Variants in SRP72 observed in about 807,000 individuals in gnomAD.
The protein encoded by SRP72 is signal recognition particle 72, also known as signal recognition particle subunit SRP72.
In SRP72, 49 loss-of-function variants were observed where a neutral mutation model predicts 96.3. The observed-to-expected ratio is 0.51, with a 90% CI of 0.40 to 0.65. The LOEUF (loss-of-function observed/expected upper bound fraction) is 0.65, where lower values mean the gene tolerates loss of function less well. Ranked by LOEUF, SRP72 falls within the 30% of genes least tolerant of loss-of-function variation. The pLI is 0.00. For synonymous variants in SRP72, 267 were observed against 275.2 expected (o/e 0.97, Z 0.30); for missense variants, 736 against 793.3 (o/e 0.93, Z 0.87).
At chr4:56,489,905 C>T (rs1720850009) in intron 13 of SRP72, among the ~76,000 whole-genome samples, 1 of 152,154 alleles carries the variant, frequency 6.6e-6, no homozygotes, top group African/African-American at 2.4e-5. Flanking sequence ...GTATGGATCT[C>T]TGCATGGGCA....
At chr4:56,489,787 T>G (rs1578191853) in intron 13 of SRP72, among the ~76,000 whole-genome samples, 1 of 152,264 alleles carries the variant, frequency 6.6e-6, no homozygotes, top group East Asian at 1.9e-4. Context: ...ATTTAAGAGA[T>G]CGTCTTAAAT....
intron 11 of SRP72, 101 bp downstream of exon 11, chr4:56,486,498 G>A: frequency 1.1e-6 from 1 of 909,196 alleles, no homozygotes; most frequent in Non-Finnish European, 1.6e-6. Context: ...TTGTGTAATA[G>A]TAAAGCATAA....
intron 2 of SRP72, among the ~76,000 whole-genome samples, chr4:56,470,649 T>C (rs936185647): frequency 6.6e-6 from 1 of 152,130 alleles, no homozygotes; most frequent in African/African-American, 2.4e-5. Context: ...TTGAGGCGTA[T>C]AAATGTGTTA....
At chr4:56,476,292 AC>A in intron 5 of SRP72, 1 of 211,714 alleles carries the variant, frequency 4.7e-6, no homozygotes, top group Non-Finnish European at 9.3e-6. Context: ...TTAAAAACAA[AC>A]AAAAAAAATA....
At chr4:56,495,193 T>C in intron 16 of SRP72, 164 bp from the exon 17 acceptor site, 1 of 432,744 alleles carries the variant, frequency 2.3e-6, no homozygotes, top group East Asian at 3.7e-5. Context: ...TAATTGACTT[T>C]AACCTGAATC....
intron 17 of SRP72, among the ~76,000 whole-genome samples, chr4:56,497,083 C>CA (rs921814494): frequency 5.9e-5 from 9 of 152,042 alleles, no homozygotes; most frequent in African/African-American, 9.7e-5. Context: ...ATTAGGTACT[C>CA]AAAGTTTTTA....
chr4:56,469,969 A>G (rs1292964086), intron 2 of SRP72, among the ~76,000 whole-genome samples, 196 bp downstream of exon 2: 2 of 132,336 alleles, frequency 1.5e-5, no homozygotes, highest in African/African-American at 2.9e-5. Context: ...TCAGCCTTAG[A>G]GAGTTTTTTT....
intron 16 of SRP72, 169 bp from the exon 17 acceptor site, chr4:56,495,188 G>C: frequency 2.4e-6 from 1 of 412,322 alleles, no homozygotes; most frequent in Non-Finnish European, 4.4e-6. Flanking sequence ...AAGCTTAATT[G>C]ACTTTAACCT....
chr4:56,501,055 T>C (rs1352017355), intron 18 of SRP72, among the ~76,000 whole-genome samples: 2 of 152,132 alleles, frequency 1.3e-5, no homozygotes, highest in African/African-American at 4.8e-5. Flanking sequence ...ATAATATGAC[T>C]AGAAAGAAGT....
At chr4:56,501,272 G>T (rs1456378435) in intron 18 of SRP72, among the ~76,000 whole-genome samples, 1 of 152,002 alleles carries the variant, frequency 6.6e-6, no homozygotes, top group Non-Finnish European at 1.5e-5. Flanking sequence ...GCCGGGTGTG[G>T]TAGTGCGCAC....
chr4:56,483,035 A>T, intron 8 of SRP72, 104 bp from the exon 9 acceptor site: 1 of 1,025,964 alleles, frequency 9.7e-7, no homozygotes, highest in Non-Finnish European at 1.4e-6. Flanking sequence ...CCAATCAGGT[A>T]GATAGATTCA....
At chr4:56,475,170 G>A (rs1025992393) in intron 5 of SRP72, among the ~76,000 whole-genome samples, 1 of 149,024 alleles carries the variant, frequency 6.7e-6, no homozygotes, top group African/African-American at 2.5e-5. Context: ...AATATTAGGG[G>A]TTAAAATGAG....
intron 16 of SRP72, 102 bp downstream of exon 16, chr4:56,491,670 C>G: frequency 2.6e-6 from 3 of 1,164,264 alleles, no homozygotes; most frequent in Admixed American, 2.5e-5. Context: ...AGTTCTAGTT[C>G]TCTTTGTTCC....
intron 13 of SRP72, 58 bp from the exon 14 acceptor site, chr4:56,490,275 C>A: frequency 7.5e-7 from 1 of 1,331,618 alleles, no homozygotes; most frequent in Non-Finnish European, 1.1e-6. Flanking sequence ...AATATAACTG[C>A]ATGCACTTGC....
chr4:56,478,788 T>G, intron 8 of SRP72, 139 bp downstream of exon 8: 1 of 745,122 alleles, frequency 1.3e-6, no homozygotes, highest in Non-Finnish European at 2.2e-6. Context: ...TCACAATGGA[T>G]AGTATTACTT....
chr4:56,495,457 A>G (rs941004887), intron 17 of SRP72, 63 bp downstream of exon 17: 9 of 1,166,278 alleles, frequency 7.7e-6, no homozygotes, highest in Non-Finnish European at 1.1e-5. Flanking sequence ...TTAGCCCTAT[A>G]TAGAAATATT....
chr4:56,501,642 C>T (rs759320661), intron 18 of SRP72, 42 bp from the exon 19 acceptor site: 31 of 1,562,290 alleles, frequency 2.0e-5, no homozygotes, highest in South Asian at 4.6e-5. Context: ...ACTCTTCCTT[C>T]GTTGAATATA....
At position 56,490,418 on chromosome 4, in the gene SRP72, A is replaced by T; in HGVS notation, c.1406A>T (p.Asp469Val). 1 of 1,613,946 alleles carries T rather than the reference A, an allele frequency of 6.2e-7. No individual in the cohort carries two copies. The highest frequency in any genetic ancestry group is 8.5e-7 in the Non-Finnish European group (1 of 1,179,934). Residue 469 changes from aspartate to valine, a missense_variant, in exon 14 of 19, where the codon GAC becomes GTC. Physicochemically the swap from Asp to Val is radical, Grantham distance 152. This residue lies in a region of SRP72 where 388 missense variants were observed against 431.8 expected (regional missense o/e 0.90). Transcript: ENST00000642900. Reference sequence around the variant, plus strand: ...GGGCGGAAGAAGGAGGCAATTAGTGACCTACAACAGCTGTGGAAGTAAGCT... The same window carrying T: ...GGGCGGAAGAAGGAGGCAATTAGTGTCCTACAACAGCTGTGGAAGTAAGCT... ...KYGRKKEAIS[D>V]LQQLWKQNPK...
intron 8 of SRP72, among the ~76,000 whole-genome samples, chr4:56,479,076 C>T (rs1720365074): frequency 6.6e-6 from 1 of 152,036 alleles, no homozygotes; most frequent in African/African-American, 2.4e-5. Flanking sequence ...GCTCTTTCTT[C>T]TCCCCCACAC....
Sources: allele counts gnomAD v4.1 joint callset (sites outside exome capture counted in the v4.1 genomes callset), GRCh38; gene constraint gnomAD v4.1.1; regional missense constraint gnomAD v4.1.1; transcripts MANE v1.5; gene names NCBI Gene and HGNC (gene_info 2026-07-23, HGNC 2026-07-21).